The following SRGAP1 variants were observed in gnomAD, a reference collection of about 807,000 sequenced individuals.
SRGAP1 encodes SLIT-ROBO Rho GTPase activating protein 1.
Under a neutral mutation model 121.9 loss-of-function variants are expected in SRGAP1, and 43 were observed. That is an observed-to-expected ratio of 0.35 (90% CI 0.28 to 0.46). The LOEUF (loss-of-function observed/expected upper bound fraction) is 0.46, where lower values mean the gene tolerates loss of function less well. Ranked by LOEUF, SRGAP1 falls within the 20% of genes least tolerant of loss-of-function variation. The probability of loss-of-function intolerance (pLI) is 1.00; values close to 1 mark genes in which losing one functional copy is unlikely to be tolerated. For synonymous variants in SRGAP1, 447 were observed against 485.4 expected, an observed-to-expected ratio of 0.92 and a Z score of 1.04; for missense variants, 1,102 against 1,350.9, an observed-to-expected ratio of 0.82 and a Z score of 2.89.
At chr12:63,988,148 T>C (rs2033466084) in intron 2 of SRGAP1, among the ~76,000 whole-genome samples, 1 of 152,168 alleles carries the variant, frequency 6.6e-6, no homozygotes, top group Non-Finnish European at 1.5e-5. Context: ...CTACTGCTAT[T>C]ATTACTAAGG....
chr12:63,881,455 T>C (rs1900191770), intron 1 of SRGAP1, among the ~76,000 whole-genome samples: 1 of 152,230 alleles, frequency 6.6e-6, no homozygotes, highest in Non-Finnish European at 1.5e-5. Context: ...GTAGAGTTCA[T>C]AGCATACTGA....
chr12:64,141,219 A>G (rs1327057483), intron 21 of SRGAP1, among the ~76,000 whole-genome samples: 5 of 148,330 alleles, frequency 3.4e-5, no homozygotes, highest in African/African-American at 7.6e-5. Context: ...ACATGTATAC[A>G]TATGTAACTA....
intron 3 of SRGAP1, among the ~76,000 whole-genome samples, chr12:63,992,274 C>G (rs1440253193): frequency 1.3e-5 from 2 of 152,172 alleles, no homozygotes; most frequent in Non-Finnish European, 2.9e-5. Context: ...AAACCTAGGG[C>G]TAAGAGTCAA....
chr12:63,897,780 A>T (rs1900802405), intron 1 of SRGAP1, among the ~76,000 whole-genome samples: 1 of 152,200 alleles, frequency 6.6e-6, no homozygotes, highest in South Asian at 2.1e-4. Context: ...TTGAGAACAC[A>T]GTTAACTAAT....
chr12:64,151,201 T>G lies in SRGAP1; in HGVS notation c.*8529T>G, dbSNP rs776724795. 2.6e-5 allele frequency: 4 copies of G among 152,164 alleles called. No individual in the cohort carries two copies. The highest frequency in any genetic ancestry group is 4.4e-5 in the Non-Finnish European group (3 of 68,036). 9.4% of individuals were successfully genotyped at this position (152,164 alleles called of 1,614,324 possible). ...TAATAATATGAACATCTTAGTATAT[T>G]GTCTTCTAATCCTTACATTATGTTA... On this transcript the variant is annotated 3_prime_UTR_variant, in exon 22 of 22. Coordinates refer to ENST00000355086, the MANE Select transcript of SRGAP1 (RefSeq NM_020762.4).
At chr12:64,120,856 T>A (rs1351151975) in intron 18 of SRGAP1, among the ~76,000 whole-genome samples, 2 of 152,216 alleles carry the variant, frequency 1.3e-5, no homozygotes, top group Non-Finnish European at 2.9e-5. Flanking sequence ...ATTTTGGTCT[T>A]TAGTATTCTT....
rs187923486 is a variant in SRGAP1 at position 64,127,760 on chromosome 12, C to T, written c.2540+36C>T. On this transcript the variant is annotated intron_variant, in intron 20 of 21. Coordinates refer to ENST00000355086, the MANE Select transcript of SRGAP1 (RefSeq NM_020762.4). ...CCTGGGAATCAGGCCCCTAAGCCTCCGCTCCTCCTGGGGCCATGAGGAGCC... is the reference window on the plus strand; with the variant it reads ...CCTGGGAATCAGGCCCCTAAGCCTCTGCTCCTCCTGGGGCCATGAGGAGCC... 106 of 1,610,610 alleles carry T rather than the reference C, an allele frequency of 6.6e-5. No individual in the cohort carries two copies. In the East Asian group the frequency reaches 1.7e-3, roughly 26 times the overall value.
chr12:63,971,742 G>A (rs1592993995), intron 1 of SRGAP1, among the ~76,000 whole-genome samples: 2 of 152,008 alleles, frequency 1.3e-5, no homozygotes, highest in African/African-American at 4.8e-5. Context: ...AGGTGTGTGT[G>A]GGTATAGGGG....
At chr12:64,031,458 A>G (rs183004973) in intron 4 of SRGAP1, among the ~76,000 whole-genome samples, 17 of 152,274 alleles carry the variant, frequency 1.1e-4, no homozygotes, top group Admixed American at 1.1e-3. Flanking sequence ...TATCAGTAGA[A>G]TTTTAGAGTT....
In SRGAP1 at chr12:64,041,807, G is replaced by T. The variant is rs75959795; in HGVS notation, c.490-983G>T. Among the ~76,000 whole-genome samples the T allele has an allele frequency of 1.5e-3, 223 of 151,560 alleles. 6 individuals carry two copies. In the East Asian group the frequency reaches 0.041, roughly 28 times the overall value. ...GTGTGTTTTCATAGAGAAAAGGCTG[G>T]AAGGCTTTATACTAAAATCTTGTCA... On this transcript the variant is annotated intron_variant, in intron 4 of 21. Transcript: ENST00000355086.
At chr12:64,004,507 G>T (rs1184283165) in intron 3 of SRGAP1, among the ~76,000 whole-genome samples, 1 of 152,016 alleles carries the variant, frequency 6.6e-6, no homozygotes, top group African/African-American at 2.4e-5. Flanking sequence ...GAGTGACTGG[G>T]ACTACAGGGC....
At chr12:64,042,646 T>A in intron 4 of SRGAP1, 144 bp from the exon 5 acceptor site, 1 of 567,330 alleles carries the variant, frequency 1.8e-6, no homozygotes, top group Non-Finnish European at 3.1e-6. Flanking sequence ...AGTCCATAAT[T>A]CACTTACTTT....
At chr12:64,045,773 G>T (rs540464794) in intron 6 of SRGAP1, among the ~76,000 whole-genome samples, 5 of 152,028 alleles carry the variant, frequency 3.3e-5, no homozygotes, top group East Asian at 1.9e-4. Context: ...AAAACTCTCC[G>T]TGTATAGAAA....
chr12:64,005,750 A>G (rs2034060146), intron 3 of SRGAP1, among the ~76,000 whole-genome samples: 1 of 152,164 alleles, frequency 6.6e-6, no homozygotes, highest in Admixed American at 6.5e-5. Context: ...AACAAGATCT[A>G]ATCACTCTAC....
intron 3 of SRGAP1, among the ~76,000 whole-genome samples, chr12:63,996,279 A>G (rs2033704762): frequency 6.6e-6 from 1 of 151,986 alleles, no homozygotes; most frequent in Non-Finnish European, 1.5e-5. Context: ...CAGAATTGAG[A>G]TTTCATTCTA....
At chr12:64,122,125 T>C (rs1386839284) in intron 18 of SRGAP1, among the ~76,000 whole-genome samples, 1 of 152,148 alleles carries the variant, frequency 6.6e-6, no homozygotes, top group East Asian at 1.9e-4. Flanking sequence ...TATATAACAT[T>C]ACAAGAAATG....
intron 11 of SRGAP1, among the ~76,000 whole-genome samples, chr12:64,088,822 C>G (rs976974387): frequency 6.6e-6 from 1 of 152,172 alleles, no homozygotes; most frequent in Non-Finnish European, 1.5e-5. Flanking sequence ...CCCTGCGTCT[C>G]CCAGTCATGC....
intron 1 of SRGAP1, among the ~76,000 whole-genome samples, chr12:63,961,720 CA>C (rs2032648721): frequency 6.6e-6 from 1 of 152,172 alleles, no homozygotes; most frequent in African/African-American, 2.4e-5. Flanking sequence ...TAGAATTCCA[CA>C]GAGAATAAAA....
intron 4 of SRGAP1, among the ~76,000 whole-genome samples, chr12:64,018,164 C>T (rs1387333336): frequency 1.3e-5 from 2 of 152,198 alleles, no homozygotes; most frequent in African/African-American, 4.8e-5. Context: ...ATCTCGGTCA[C>T]TGCAACCTCT....
Sources: allele counts gnomAD v4.1 joint callset (sites outside exome capture counted in the v4.1 genomes callset), GRCh38; gene constraint gnomAD v4.1.1; transcripts MANE v1.5; gene names NCBI Gene and HGNC (gene_info 2026-07-23, HGNC 2026-07-21).